Variants in MYT1L observed in about 807,000 individuals in gnomAD.
MYT1L encodes the protein myelin transcription factor 1-like protein.
MYT1L carries 12 observed loss-of-function variants against 126.7 expected under a neutral mutation model. The ratio of observed to expected loss-of-function variants is 0.09; its 90% CI spans 0.06 to 0.15. The LOEUF (loss-of-function observed/expected upper bound fraction) is 0.15. Ranked by LOEUF, MYT1L falls within the 10% of genes least tolerant of loss-of-function variation. The probability of loss-of-function intolerance (pLI) is 1.00; values close to 1 mark genes in which losing one functional copy is unlikely to be tolerated. For synonymous variants in MYT1L, 541 were observed against 604.2 expected (o/e 0.90, Z 1.53); for missense variants, 979 against 1,585.2 (o/e 0.62, Z 6.49).
intron 9 of MYT1L, among the ~76,000 whole-genome samples, chr2:1,941,277 C>T (rs555807246): frequency 1.3e-5 from 2 of 152,208 alleles, no homozygotes; most frequent in Non-Finnish European, 2.9e-5. Flanking sequence ...TATCTTAATC[C>T]GTCGCACCAA....
At chr2:2,190,367 A>C (rs981568210) in intron 2 of MYT1L, among the ~76,000 whole-genome samples, 1 of 151,946 alleles carries the variant, frequency 6.6e-6, no homozygotes, top group African/African-American at 2.4e-5. Context: ...AGGCAGGAGG[A>C]TCACTTGAGC....
At chr2:2,019,848 ATTATT>A (rs2064851113) in intron 4 of MYT1L, among the ~76,000 whole-genome samples, 1 of 151,880 alleles carries the variant, frequency 6.6e-6, no homozygotes, top group Admixed American at 6.6e-5. Flanking sequence ...TGCCAGTGTA[ATTATT>A]TTATTTATTT....
intron 3 of MYT1L, among the ~76,000 whole-genome samples, chr2:2,165,674 A>C (rs1018225938): frequency 5.3e-5 from 8 of 152,136 alleles, no homozygotes; most frequent in African/African-American, 1.9e-4. Context: ...TTTCTTCCAC[A>C]ATTGCTGCTG....
rs17039354 is a variant in MYT1L at position 2,142,096 on chromosome 2, G to C, written c.-304+30776C>G. 1.5e-3 allele frequency among the ~76,000 whole-genome samples: 231 copies of C among 152,158 alleles called. 8 individuals carry two copies. The East Asian group carries it at 0.032, about 21-fold the overall frequency. ...TCTTGAAAGATCAAATTCATATCAA[G>C]TTCATGCTTTCTCTCATATGACACA... On this transcript the variant is annotated intron_variant, in intron 3 of 24. Coordinates refer to ENST00000647738, the MANE Select transcript of MYT1L (RefSeq NM_001303052.2).
In MYT1L at chr2:2,262,915, A is replaced by AATATATATAT. The variant is rs61461867; in HGVS notation, c.-421+21479_-421+21488dup. Among the ~76,000 whole-genome samples the AATATATATAT allele has an allele frequency of 1.4e-4, 9 of 62,520 alleles. 1 individual carries two copies. In the South Asian group the frequency reaches 2.3e-3, roughly 16 times the overall value. The allele number at this position is 62,520 out of a possible 152,430, so 41.0% of individuals were successfully genotyped here. On this transcript the variant is annotated intron_variant, in intron 2 of 24. Transcript: ENST00000647738. ...GTTTTTACCCCAGGTGAGAGGCACA[A>AATATATATAT]ATATATATATATATATAACCTGTGA...
chr2:2,278,225 G>A (rs974875165), intron 2 of MYT1L, among the ~76,000 whole-genome samples: 1 of 152,158 alleles, frequency 6.6e-6, no homozygotes, highest in African/African-American at 2.4e-5. Context: ...CAACTCATGT[G>A]ATCTCCACAA....
rs1332730876 is a variant in MYT1L at position 1,943,789 on chromosome 2, T to C, written c.153-455A>G. ...TTTATGTAAAATATAAAAATGTCTATGTCGTGAAAGAGCTTTGGATATATT... is the reference window on the plus strand; with the variant it reads ...TTTATGTAAAATATAAAAATGTCTACGTCGTGAAAGAGCTTTGGATATATT... On this transcript the variant is annotated intron_variant, in intron 8 of 24. Transcript: ENST00000647738. The surrounding 1 kb of genome is among the most constrained non-coding windows in gnomAD (Gnocchi z 4.4). Among the ~76,000 whole-genome samples the C allele has an allele frequency of 6.6e-6, 1 of 152,212 alleles. No homozygotes were observed. The highest frequency in any genetic ancestry group is 1.5e-5 in the Non-Finnish European group (1 of 68,042).
intron 8 of MYT1L, among the ~76,000 whole-genome samples, chr2:1,966,604 T>G (rs905423394): frequency 6.6e-6 from 1 of 152,136 alleles, no homozygotes; most frequent in African/African-American, 2.4e-5. Context: ...GCAAAGATAC[T>G]TTTCCCACTT....
intron 3 of MYT1L, among the ~76,000 whole-genome samples, chr2:2,141,062 T>C (rs1413942029): frequency 6.6e-6 from 1 of 152,214 alleles, no homozygotes; most frequent in African/African-American, 2.4e-5. Context: ...TTATGCATGC[T>C]CTTGTAAGAT....
intron 18 of MYT1L, among the ~76,000 whole-genome samples, chr2:1,867,626 G>A (rs1479366848): frequency 6.6e-6 from 1 of 152,158 alleles, no homozygotes; most frequent in Non-Finnish European, 1.5e-5. Flanking sequence ...CAGGTTTCTG[G>A]GGGTGGGGGA....
chr2:2,079,404 C>G (rs572153010), intron 3 of MYT1L, among the ~76,000 whole-genome samples: 1 of 152,272 alleles, frequency 6.6e-6, no homozygotes, highest in Non-Finnish European at 1.5e-5. Flanking sequence ...ATTAAGGTAG[C>G]AATACTTCTC....
At chr2:1,809,636 A>C (rs778249076) in intron 21 of MYT1L, 1 of 156,100 alleles carries the variant, frequency 6.4e-6, no homozygotes, top group Non-Finnish European at 1.4e-5. Flanking sequence ...TTCAGCTGTT[A>C]TCTCTCAAGG....
At chr2:1,998,751 C>T (rs1335182258) in intron 4 of MYT1L, among the ~76,000 whole-genome samples, 2 of 152,090 alleles carry the variant, frequency 1.3e-5, no homozygotes, top group African/African-American at 4.8e-5. Flanking sequence ...GATACGATAA[C>T]TCCCCTAAAC....
intron 18 of MYT1L, among the ~76,000 whole-genome samples, chr2:1,872,777 A>C (rs1488591493): frequency 6.6e-6 from 1 of 152,304 alleles, no homozygotes; most frequent in East Asian, 1.9e-4. Context: ...TCTGGGATTT[A>C]ATTCTTTTCT....
chr2:1,931,757 C>T (rs1198836536), intron 9 of MYT1L, among the ~76,000 whole-genome samples: 1 of 152,168 alleles, frequency 6.6e-6, no homozygotes, highest in African/African-American at 2.4e-5. Flanking sequence ...AAGGGATTCT[C>T]TGGACTGAAG....
chr2:2,297,043 T>G (rs1257602306), intron 1 of MYT1L, among the ~76,000 whole-genome samples: 1 of 152,106 alleles, frequency 6.6e-6, no homozygotes, highest in Non-Finnish European at 1.5e-5. Context: ...CTTCCCAGGT[T>G]TCTCTGCAGG....
At chr2:2,016,409 A>G (rs1453191160) in intron 4 of MYT1L, among the ~76,000 whole-genome samples, 1 of 152,242 alleles carries the variant, frequency 6.6e-6, no homozygotes, top group Non-Finnish European at 1.5e-5. Context: ...CCACCAAAGC[A>G]AAGCCCTTTG....
chr2:1,965,114 T>G (rs754541524), intron 8 of MYT1L, among the ~76,000 whole-genome samples: 1 of 151,456 alleles, frequency 6.6e-6, no homozygotes. Flanking sequence ...GACCCAGGGA[T>G]CAGGCAGGGA....
intron 9 of MYT1L, among the ~76,000 whole-genome samples, chr2:1,941,717 G>A (rs966964891): frequency 3.3e-5 from 5 of 152,098 alleles, no homozygotes; most frequent in Non-Finnish European, 7.4e-5. Flanking sequence ...ATCTATGTGT[G>A]TGTACATATG....
Sources: gnomAD v4.1 joint callset for allele counts (sites outside exome capture counted in the v4.1 genomes callset) on GRCh38, gnomAD v4.1.1 for gene constraint, Gnocchi (gnomAD v3.1) non-coding constraint, MANE v1.5 for transcripts, NCBI Gene and HGNC (gene_info 2026-07-23, HGNC 2026-07-21) for gene names.